Variants in RBM47 observed in about 807,000 individuals in gnomAD.
RBM47 encodes RNA-binding protein 47.
RBM47 carries 21 observed loss-of-function variants against 47.1 expected under a neutral mutation model. The ratio of observed to expected loss-of-function variants is 0.45; its 90% CI spans 0.32 to 0.64. RBM47 has a LOEUF of 0.64. Ranked by LOEUF, RBM47 falls within the 30% of genes least tolerant of loss-of-function variation. The probability of loss-of-function intolerance (pLI) is 0.05; values close to 1 mark genes in which losing one functional copy is unlikely to be tolerated. For missense variants in RBM47, 708 were observed against 870.9 expected, an observed-to-expected ratio of 0.81 and a Z score of 2.35; for synonymous variants, 375 against 361.7, an observed-to-expected ratio of 1.04 and a Z score of -0.42.
chr4:40,598,214 A>T (rs1351101961), intron 1 of RBM47, among the ~76,000 whole-genome samples: 1 of 152,126 alleles, frequency 6.6e-6, no homozygotes, highest in African/African-American at 2.4e-5. Flanking sequence ...CACACAGGAG[A>T]TTTACCATTG....
At chr4:40,432,965 CTT>C in intron 5 of RBM47, 103 bp from the exon 6 acceptor site, 1 of 1,457,936 alleles carries the variant, frequency 6.9e-7, no homozygotes, top group Non-Finnish European at 9.0e-7. Context: ...TTTTTAAAAA[CTT>C]TTCTTTTTTT....
chr4:40,557,450 T>C (rs1392954008), intron 1 of RBM47, among the ~76,000 whole-genome samples: 1 of 152,150 alleles, frequency 6.6e-6, no homozygotes, highest in African/African-American at 2.4e-5. Flanking sequence ...AGTAGCTCCA[T>C]AAATATTTGT....
At chr4:40,592,972 TATATATA>T (rs1438221157) in intron 1 of RBM47, among the ~76,000 whole-genome samples, 1,669 of 19,960 alleles carry the variant, frequency 0.084, 34 homozygotes, top group South Asian at 0.14. Context: ...TATATATATA[TATATATA>T]TTTTTTTTTT....
intron 1 of RBM47, among the ~76,000 whole-genome samples, chr4:40,620,278 C>T (rs1373086763): frequency 6.7e-6 from 1 of 149,154 alleles, no homozygotes; most frequent in African/African-American, 2.5e-5. Flanking sequence ...GAGGTCAAGG[C>T]GGGCGGATCA....
intron 2 of RBM47, among the ~76,000 whole-genome samples, chr4:40,483,186 A>C (rs1253423466): frequency 6.6e-6 from 1 of 152,254 alleles, no homozygotes; most frequent in African/African-American, 2.4e-5. Context: ...AATGCTAGTG[A>C]AGCAAATCGT....
chr4:40,426,911 G>A (rs1715143803), intron 6 of RBM47: 1 of 152,144 alleles, frequency 6.6e-6, no homozygotes, highest in South Asian at 2.1e-4. Flanking sequence ...AGCTAGAGAA[G>A]GCAGCGGAGA....
chr4:40,426,203 C>A, intron 6 of RBM47, 60 bp from the exon 7 acceptor site: 2 of 1,558,660 alleles, frequency 1.3e-6, no homozygotes, highest in Non-Finnish European at 1.7e-6. Context: ...ATCATCCATT[C>A]ATTCAACAAG....
chr4:40,541,549 C>G (rs1232331602), intron 2 of RBM47, among the ~76,000 whole-genome samples: 1 of 151,962 alleles, frequency 6.6e-6, no homozygotes, highest in Non-Finnish European at 1.5e-5. Flanking sequence ...CCAGCCTGGC[C>G]AACATGGTGA....
intron 1 of RBM47, among the ~76,000 whole-genome samples, chr4:40,607,001 T>C (rs1560502306): frequency 6.6e-6 from 1 of 152,048 alleles, no homozygotes; most frequent in Non-Finnish European, 1.5e-5. Context: ...CCCGCAAACA[T>C]ATGTGTTACT....
At chr4:40,523,422 G>T (rs1158657827) in intron 2 of RBM47, among the ~76,000 whole-genome samples, 2 of 152,012 alleles carry the variant, frequency 1.3e-5, no homozygotes, top group African/African-American at 4.8e-5. Flanking sequence ...AGGCCAAGAC[G>T]GGCAGATAGC....
At chr4:40,428,853 G>A (rs748615900) in intron 6 of RBM47, among the ~76,000 whole-genome samples, 2 of 152,022 alleles carry the variant, frequency 1.3e-5, no homozygotes, top group Admixed American at 6.6e-5. Flanking sequence ...TTCTACTCCC[G>A]GCCAGCAATT....
Position 40,512,711 on chromosome 4 carries a change from T to C in RBM47, c.-155+31711A>G, listed in dbSNP as rs551883835. ...GCCTGGGTGACAGAGTGAGACTTCA[T>C]CTCAAAAAAAAAAAAAAAAGAAAGA... On this transcript the variant is annotated intron_variant, in intron 2 of 6. Coordinates refer to ENST00000295971, the MANE Select transcript of RBM47 (RefSeq NM_001098634.2). Among the ~76,000 whole-genome samples, 184 of 109,796 alleles carry C rather than the reference T, an allele frequency of 1.7e-3. 2 individuals carry two copies. The Middle Eastern group carries it at 0.069, about 41-fold the overall frequency. 72.0% of individuals were successfully genotyped at this position (109,796 alleles called of 152,430 possible). A position where few individuals can be genotyped will look rare whatever the true frequency, so the allele number is the denominator to read the frequency against.
intron 1 of RBM47, among the ~76,000 whole-genome samples, chr4:40,575,110 T>C (rs1732163750): frequency 6.6e-6 from 1 of 152,186 alleles, no homozygotes; most frequent in Non-Finnish European, 1.5e-5. Context: ...CTAAACATCC[T>C]ATAATGCACA....
Position 40,425,675 on chromosome 4 carries a change from C to T in RBM47, c.*229G>A, listed in dbSNP as rs1049034353. 8 of 534,478 alleles carry T rather than the reference C, an allele frequency of 1.5e-5. No homozygotes were observed. Among genetic ancestry groups the T allele is most frequent in the Non-Finnish European group, 2.2e-5 (7 of 317,182 alleles). 33.1% of individuals were successfully genotyped at this position (534,478 alleles called of 1,614,324 possible). On this transcript the variant is annotated 3_prime_UTR_variant, in exon 7 of 7. Coordinates refer to ENST00000295971, the MANE Select transcript of RBM47 (RefSeq NM_001098634.2). Reference sequence around the variant, plus strand: ...ATTTTTAAAAGATGGAATGAAGGCACGAACCATTGCAAGTCTTTTGGAAAT... The same window carrying T: ...ATTTTTAAAAGATGGAATGAAGGCATGAACCATTGCAAGTCTTTTGGAAAT...
At chr4:40,482,683 G>A (rs1213959236) in intron 2 of RBM47, among the ~76,000 whole-genome samples, 4 of 152,190 alleles carry the variant, frequency 2.6e-5, no homozygotes, top group Non-Finnish European at 4.4e-5. Context: ...CCTGAAGAAT[G>A]TTCCTTATTT....
chr4:40,451,965 T>C (rs757044161), intron 3 of RBM47, among the ~76,000 whole-genome samples: 8 of 151,438 alleles, frequency 5.3e-5, no homozygotes, highest in Non-Finnish European at 1.0e-4. Flanking sequence ...AGGTCAGGAG[T>C]TCGAGACCAG....
intron 6 of RBM47, chr4:40,427,169 T>C (rs1003670098): frequency 6.6e-6 from 1 of 152,216 alleles, no homozygotes; most frequent in African/African-American, 2.4e-5. Context: ...GCCAATGTGA[T>C]GGTTTCCATC....
At chr4:40,578,998 A>G (rs886437248) in intron 1 of RBM47, among the ~76,000 whole-genome samples, 17 of 151,900 alleles carry the variant, frequency 1.1e-4, no homozygotes, top group Non-Finnish European at 2.1e-4. Flanking sequence ...GTGCACTTGT[A>G]CTCCCAGCTA....
chr4:40,484,099 T>C (rs1382977130), intron 2 of RBM47, among the ~76,000 whole-genome samples: 3 of 152,308 alleles, frequency 2.0e-5, no homozygotes, highest in South Asian at 4.1e-4. Context: ...ATATGTGAGC[T>C]TAAGAAAAAA....
Sources: gnomAD v4.1 joint callset for allele counts (sites outside exome capture counted in the v4.1 genomes callset) on GRCh38, gnomAD v4.1.1 for gene constraint, MANE v1.5 for transcripts, NCBI Gene and HGNC (gene_info 2026-07-23, HGNC 2026-07-21) for gene names.